The following UBE2W variants were observed in gnomAD, a reference collection of about 807,000 sequenced individuals.
UBE2W encodes ubiquitin conjugating enzyme E2 W.
Under a neutral mutation model 27.2 loss-of-function variants are expected in UBE2W, and 18 were observed. That is an observed-to-expected ratio of 0.66 (90% confidence interval 0.46 to 0.98). The LOEUF (loss-of-function observed/expected upper bound fraction) is 0.98. Ranked by LOEUF, UBE2W falls within the 50% of genes least tolerant of loss-of-function variation. UBE2W has a pLI of 0.00. For missense variants in UBE2W, 90 were observed against 180.2 expected, an observed-to-expected ratio of 0.50 and a Z score of 2.87; for synonymous variants, 53 against 57.2, an observed-to-expected ratio of 0.93 and a Z score of 0.33.
At chr8:73,783,316 T>C (rs1368305125), downstream of UBE2W, among the ~76,000 whole-genome samples, 1 of 152,206 alleles carries the variant, frequency 6.6e-6, no homozygotes, top group African/African-American at 2.4e-5. Flanking sequence ...ATTTTCTCCT[T>C]TTTGAAGTTT....
At chr8:73,833,370 A>G (rs1810169752) in intron 1 of UBE2W, among the ~76,000 whole-genome samples, 1 of 151,840 alleles carries the variant, frequency 6.6e-6, no homozygotes, top group East Asian at 1.9e-4. Flanking sequence ...AAAATTTTAA[A>G]TGATTTTATA....
chr8:73,823,968 C>A (rs1809727130), intron 3 of UBE2W, among the ~76,000 whole-genome samples: 1 of 152,146 alleles, frequency 6.6e-6, no homozygotes, highest in African/African-American at 2.4e-5. Context: ...CAGCACCCAA[C>A]AAGCAAAATT....
chr8:73,786,577 T>C lies in UBE2W; in HGVS notation c.*7525A>G, dbSNP rs982966585. The C allele has an allele frequency of 1.1e-5, 11 of 985,440 alleles. No homozygotes were observed. The highest frequency in any genetic ancestry group is 1.2e-5 in the Non-Finnish European group (10 of 829,938). 61.0% of individuals were successfully genotyped at this position (985,440 alleles called of 1,614,324 possible). A position where few individuals can be genotyped will look rare whatever the true frequency, so the allele number is the denominator to read the frequency against. On this transcript the variant is annotated 3_prime_UTR_variant, in exon 6 of 6. Transcript: ENST00000602593. The stretch of plus-strand genomic sequence containing the variant: ...GATAACCTTTCAGCTACCTTTGAAC[T>C]AGACCTTTCAGGTAGAAACGCAGAT...
rs569120110 is a variant in UBE2W, at chr8:73,798,888, A to G, written c.443-4773T>C. Among the ~76,000 whole-genome samples the G allele has an allele frequency of 2.6e-5, 4 of 152,150 alleles. No individual in the cohort carries two copies. In the East Asian group the frequency reaches 7.7e-4, roughly 29 times the overall value. Reference sequence around the variant, plus strand: ...AATTCCTTAGCCCATCTATATGCTGAGGTGAGTTGTCTATTTTGCATACCT... The same window carrying G: ...AATTCCTTAGCCCATCTATATGCTGGGGTGAGTTGTCTATTTTGCATACCT... On this transcript the variant is annotated intron_variant, in intron 5 of 5. Coordinates refer to ENST00000602593, the MANE Select transcript of UBE2W (RefSeq NM_018299.6).
At chr8:73,870,620 G>A (rs1017975168) in intron 1 of UBE2W, among the ~76,000 whole-genome samples, 8 of 151,898 alleles carry the variant, frequency 5.3e-5, no homozygotes, top group Non-Finnish European at 1.0e-4. Context: ...TCATTTATTC[G>A]ACATTTACTG....
rs1808254011 is a variant in UBE2W at position 73,792,744 on chromosome 8, G to A, written c.*1358C>T. 2 of 985,228 alleles carry A rather than the reference G, an allele frequency of 2.0e-6. No individual in the cohort carries two copies. The highest frequency in any genetic ancestry group is 1.7e-5 in the African/African-American group (1 of 57,342). 61.0% of individuals were successfully genotyped at this position (985,228 alleles called of 1,614,324 possible). A position where few individuals can be genotyped will look rare whatever the true frequency, so the allele number is the denominator to read the frequency against. ...ATCACTTTTTAAAAAGAACTTAGTT[G>A]TAGTATCATTAACTCACATGGTACT... On this transcript the variant is annotated 3_prime_UTR_variant, in exon 6 of 6. Transcript: ENST00000602593.
At chr8:73,804,324 A>ACT (rs940289724) in intron 5 of UBE2W, among the ~76,000 whole-genome samples, 10 of 151,148 alleles carry the variant, frequency 6.6e-5, no homozygotes, top group Non-Finnish European at 1.3e-4. Context: ...CAAAGGCAAT[A>ACT]CTCTTATGTA....
Position 73,845,587 on chromosome 8 carries a change from T to C in UBE2W, c.16-15115A>G, listed in dbSNP as rs192773034. ...AACATTGCGGAAGGCGGCAGGGCCC[T>C]CTGCCTAGGAAAACCAGAGACCTTT... is the stretch of plus-strand genomic sequence containing the variant. On this transcript the variant is annotated intron_variant, in intron 1 of 5. Transcript: ENST00000602593. Among the ~76,000 whole-genome samples, 401 of 152,008 alleles carry C rather than the reference T, an allele frequency of 2.6e-3. 1 individual carries two copies. Among genetic ancestry groups the C allele is most frequent in the African/African-American group, 9.4e-3 (389 of 41,300 alleles).
chr8:73,827,246 T>C (rs936343413), intron 2 of UBE2W, among the ~76,000 whole-genome samples: 1 of 152,024 alleles, frequency 6.6e-6, no homozygotes, highest in Non-Finnish European at 1.5e-5. Context: ...AGAGTTTTGC[T>C]CTTGTTGCCC....
At chr8:73,849,934 T>C (rs1406528789) in intron 1 of UBE2W, among the ~76,000 whole-genome samples, 1 of 152,178 alleles carries the variant, frequency 6.6e-6, no homozygotes, top group Non-Finnish European at 1.5e-5. Context: ...AGAATAACTA[T>C]ATAATGATAT....
At chr8:73,840,185 T>C (rs1810481476) in intron 1 of UBE2W, among the ~76,000 whole-genome samples, 1 of 152,092 alleles carries the variant, frequency 6.6e-6, no homozygotes. Context: ...GCCTCCTGAG[T>C]AGCTGGGACT....
intron 1 of UBE2W, among the ~76,000 whole-genome samples, chr8:73,843,603 C>T (rs1300239042): frequency 6.6e-6 from 1 of 152,002 alleles, no homozygotes; most frequent in Non-Finnish European, 1.5e-5. Context: ...CCACTGCACT[C>T]CAGCCTGAGT....
intron 1 of UBE2W, among the ~76,000 whole-genome samples, chr8:73,868,770 A>G (rs1006870572): frequency 2.6e-5 from 4 of 152,128 alleles, no homozygotes; most frequent in African/African-American, 9.7e-5. Context: ...GGGCGAGTAC[A>G]TAAGAAAAAT....
At chr8:73,836,551 T>A (rs1390724178) in intron 1 of UBE2W, among the ~76,000 whole-genome samples, 1 of 152,176 alleles carries the variant, frequency 6.6e-6, no homozygotes, top group Admixed American at 6.5e-5. Flanking sequence ...TAGTTCTAAG[T>A]TTCCCAAATG....
intron 1 of UBE2W, among the ~76,000 whole-genome samples, chr8:73,841,036 T>C (rs1810515101): frequency 6.6e-6 from 1 of 152,146 alleles, no homozygotes; most frequent in African/African-American, 2.4e-5. Flanking sequence ...TGGGAATATA[T>C]AATGGTTGCT....
rs562832693 is a variant in UBE2W at position 73,845,710 on chromosome 8, T to A, written c.16-15238A>T. On this transcript the variant is annotated intron_variant, in intron 1 of 5. Coordinates refer to ENST00000602593, the MANE Select transcript of UBE2W (RefSeq NM_018299.6). ...ACACCCAAGAATGATCAATAAATAC[T>A]AAAAAAATTTAAAAAAAAAAAGCTA... is the stretch of plus-strand genomic sequence containing the variant. Among the ~76,000 whole-genome samples the A allele has an allele frequency of 2.0e-5, 3 of 148,112 alleles. No homozygotes were observed. The East Asian group carries it at 5.9e-4, about 29-fold the overall frequency.
At chr8:73,852,331 T>C (rs1811116124) in intron 1 of UBE2W, among the ~76,000 whole-genome samples, 1 of 152,184 alleles carries the variant, frequency 6.6e-6, no homozygotes, top group Non-Finnish European at 1.5e-5. Context: ...GGCAAAGAGT[T>C]TACTACCCTA....
intron 5 of UBE2W, 92 bp downstream of exon 5, chr8:73,805,559 T>C: frequency 1.6e-6 from 1 of 633,498 alleles, no homozygotes; most frequent in Non-Finnish European, 2.4e-6. Context: ...ACACCAATTA[T>C]AGCTTCTCTT....
chr8:73,817,720 C>T (rs1809451332), intron 3 of UBE2W, among the ~76,000 whole-genome samples: 1 of 152,086 alleles, frequency 6.6e-6, no homozygotes, highest in African/African-American at 2.4e-5. Context: ...ACCATGTTGG[C>T]CAGGTTGGTC....
Sources: gnomAD v4.1 joint callset for allele counts (sites outside exome capture counted in the v4.1 genomes callset) on GRCh38, gnomAD v4.1.1 for gene constraint, MANE v1.5 for transcripts, NCBI Gene and HGNC (gene_info 2026-07-23, HGNC 2026-07-21) for gene names.